The following ABHD17B variants were observed in gnomAD, a reference collection of about 807,000 sequenced individuals.
ABHD17B encodes the protein alpha/beta hydrolase domain-containing protein 17B.
A neutral mutation model predicts 26.2 loss-of-function variants in ABHD17B; 9 were observed. That is an observed-to-expected ratio of 0.34 (90% confidence interval 0.21 to 0.60). ABHD17B has a LOEUF of 0.60. Among genes scored for constraint, ABHD17B ranks in the 20% least tolerant of loss-of-function variants. The pLI, the probability that ABHD17B is intolerant of heterozygous loss-of-function variation, is 0.80. For missense variants in ABHD17B, 224 were observed against 352.1 expected (o/e 0.64, Z 2.91); for synonymous variants, 127 against 122.3 (o/e 1.04, Z -0.25).
chr9:71,886,859 T>C (rs1167777545), intron 1 of ABHD17B, among the ~76,000 whole-genome samples: 6 of 152,062 alleles, frequency 3.9e-5, no homozygotes, highest in Non-Finnish European at 8.8e-5. Flanking sequence ...GTTTTTAAAC[T>C]CGGAGAAAAA....
Position 71,870,071 on chromosome 9 carries a change from A to G in ABHD17B, c.647+12T>C. Reference sequence around the variant, plus strand: ...TTCTTGGAATTTAACTATTTTGAATATTGCTACTTACTTTGGGAATGCATC... The same window carrying G: ...TTCTTGGAATTTAACTATTTTGAATGTTGCTACTTACTTTGGGAATGCATC... On this transcript the variant is annotated intron_variant, in intron 3 of 3. Transcript: ENST00000333421. 1 of 1,594,646 alleles carries G rather than the reference A, an allele frequency of 6.3e-7. No individual in the cohort carries two copies. Among genetic ancestry groups the G allele is most frequent in the Non-Finnish European group, 8.5e-7 (1 of 1,172,890 alleles).
At chr9:71,887,910 T>A (rs929384313) in intron 1 of ABHD17B, among the ~76,000 whole-genome samples, 7 of 152,212 alleles carry the variant, frequency 4.6e-5, no homozygotes, top group African/African-American at 1.7e-4. Context: ...AGCCATTTTA[T>A]TAAAAATGAG....
rs551510709 is a variant in ABHD17B, at chr9:71,892,639, T to C, written c.-3-17556A>G. On this transcript the variant is annotated intron_variant, in intron 1 of 3. Coordinates refer to ENST00000333421, the MANE Select transcript of ABHD17B (RefSeq NM_001025780.3). ...AAATTTATAAACATAAATTTACATT[T>C]AGCAAATTAATTTGGGGGGGGGAAG... Among the ~76,000 whole-genome samples the C allele has an allele frequency of 2.7e-5, 4 of 148,786 alleles. No individual in the cohort carries two copies. The South Asian group carries it at 8.6e-4, about 32-fold the overall frequency.
At chr9:71,910,550 G>C (rs1589238020) in intron 1 of ABHD17B, 84 bp downstream of exon 1, 1 of 148,774 alleles carries the variant, frequency 6.7e-6, no homozygotes, top group Non-Finnish European at 1.5e-5. Flanking sequence ...GCCCGGGCTC[G>C]TCCCTCCCGC....
intron 1 of ABHD17B, among the ~76,000 whole-genome samples, chr9:71,884,147 C>A (rs1301242459): frequency 1.3e-5 from 2 of 151,942 alleles, no homozygotes; most frequent in African/African-American, 2.4e-5. Flanking sequence ...TCAGAGAAAT[C>A]AAAAAATAAT....
intron 1 of ABHD17B, among the ~76,000 whole-genome samples, chr9:71,892,114 T>A (rs1049274828): frequency 6.6e-6 from 1 of 152,180 alleles, no homozygotes; most frequent in Admixed American, 6.5e-5. Context: ...TTCTTCTAGT[T>A]CTAAAACTTT....
intron 1 of ABHD17B, among the ~76,000 whole-genome samples, chr9:71,907,404 C>T (rs982386944): frequency 5.3e-5 from 8 of 152,010 alleles, no homozygotes; most frequent in African/African-American, 1.7e-4. Context: ...AGTATCAACA[C>T]GTGGATATAG....
chr9:71,877,967 C>T (rs144319334), intron 1 of ABHD17B, among the ~76,000 whole-genome samples: 119 of 152,250 alleles, frequency 7.8e-4, no homozygotes, highest in African/African-American at 2.2e-3. Flanking sequence ...TGCAAATGAT[C>T]ACTTTCCTAA....
At position 71,865,210 on chromosome 9, in the gene ABHD17B, A is replaced by C; in HGVS notation, c.*1577T>G. The C allele has an allele frequency of 1.0e-6, 1 of 985,636 alleles. No homozygotes were observed. The highest frequency in any genetic ancestry group is 1.2e-6 in the Non-Finnish European group (1 of 829,908). 61.1% of individuals were successfully genotyped at this position (985,636 alleles called of 1,614,324 possible). A position where few individuals can be genotyped will look rare whatever the true frequency, so the allele number is the denominator to read the frequency against. ...GACACATCTGAACCAAAGCATTCAC[A>C]ATACTTGATATACTTTGAAGAGAGT... On this transcript the variant is annotated 3_prime_UTR_variant, in exon 4 of 4. Coordinates refer to ENST00000333421, the MANE Select transcript of ABHD17B (RefSeq NM_001025780.3).
chr9:71,894,491 C>A (rs1276826130), intron 1 of ABHD17B, among the ~76,000 whole-genome samples: 5 of 152,094 alleles, frequency 3.3e-5, no homozygotes, highest in African/African-American at 1.2e-4. Context: ...TTACAGGTGC[C>A]CCGCCACGAC....
intron 1 of ABHD17B, among the ~76,000 whole-genome samples, chr9:71,897,896 A>G (rs1827005022): frequency 6.6e-6 from 1 of 152,210 alleles, no homozygotes; most frequent in East Asian, 1.9e-4. Context: ...GATGTGTAAC[A>G]AACACTTGTT....
chr9:71,909,140 G>C (rs1827369958), intron 1 of ABHD17B, among the ~76,000 whole-genome samples: 1 of 152,170 alleles, frequency 6.6e-6, no homozygotes, highest in South Asian at 2.1e-4. Context: ...TCATCAACTA[G>C]AATACTGCAC....
chr9:71,887,344 CATT>C (rs756202359), intron 1 of ABHD17B, among the ~76,000 whole-genome samples: 26 of 152,178 alleles, frequency 1.7e-4, no homozygotes, highest in Non-Finnish European at 3.4e-4. Flanking sequence ...TCTATGATGA[CATT>C]ATAGTAGAAG....
intron 1 of ABHD17B, among the ~76,000 whole-genome samples, chr9:71,899,220 A>AT (rs1411468225): frequency 1.3e-5 from 2 of 152,192 alleles, no homozygotes; most frequent in Non-Finnish European, 2.9e-5. Flanking sequence ...TGTGAAAAGT[A>AT]TTTTAGCCAA....
intron 3 of ABHD17B, among the ~76,000 whole-genome samples, chr9:71,869,567 A>G (rs932188584): frequency 3.9e-5 from 6 of 152,182 alleles, no homozygotes; most frequent in Non-Finnish European, 7.3e-5. Context: ...TGTGGCAGCA[A>G]TACTTACTAA....
chr9:71,864,788 G>A (rs1825909651), downstream of ABHD17B, among the ~76,000 whole-genome samples: 1 of 152,138 alleles, frequency 6.6e-6, no homozygotes, highest in Non-Finnish European at 1.5e-5. Context: ...TGAGGTGCCT[G>A]TCTCCTTAGC....
rs1446996027 is a variant in ABHD17B at position 71,866,834 on chromosome 9, G to T, written c.820C>A (p.Leu274Ile). 4 of 1,614,162 alleles carry T rather than the reference G, an allele frequency of 2.5e-6. No individual in the cohort carries two copies. The South Asian group carries it at 3.3e-5, about 13-fold the overall frequency. ...HNDVELYGQY[L>I]ERLKQFVSQE... The stretch of plus-strand genomic sequence containing the variant: ...GACACAAACTGTTTCAACCTTTCAA[G>T]ATACTGTCCATAAAGTTCCACATCA... The change falls in exon 4 of 4, where the codon CTT becomes ATT. Residue 274 changes from leucine to isoleucine, a missense_variant. By Grantham distance (5) the Leu-to-Ile change is conservative (BLOSUM62 2). Transcript: ENST00000333421.
chr9:71,890,683 C>T (rs1359473698), intron 1 of ABHD17B, among the ~76,000 whole-genome samples: 4 of 152,162 alleles, frequency 2.6e-5, no homozygotes, highest in Non-Finnish European at 5.9e-5. Flanking sequence ...ATTCTTGATA[C>T]TCAATTACAC....
intron 1 of ABHD17B, among the ~76,000 whole-genome samples, chr9:71,908,057 T>G (rs989776597): frequency 6.6e-6 from 1 of 152,188 alleles, no homozygotes; most frequent in Non-Finnish European, 1.5e-5. Flanking sequence ...CTTTAGGCAA[T>G]TGAAATAATT....
Sources: gnomAD v4.1 joint callset for allele counts (sites outside exome capture counted in the v4.1 genomes callset) on GRCh38, gnomAD v4.1.1 for gene constraint, MANE v1.5 for transcripts, NCBI Gene and HGNC (gene_info 2026-07-23, HGNC 2026-07-21) for gene names.